ZNF385B: variants seen among roughly 807,000 people sequenced by gnomAD.
ZNF385B encodes the protein zinc finger protein 533.
A neutral mutation model predicts 39.2 loss-of-function variants in ZNF385B; 23 were observed. The observed-to-expected ratio is 0.59, with a 90% CI of 0.42 to 0.83. The LOEUF (loss-of-function observed/expected upper bound fraction) is 0.83. Ranked by LOEUF, ZNF385B falls within the 40% of genes least tolerant of loss-of-function variation. The pLI is 0.00. For missense variants in ZNF385B, 552 were observed against 598.9 expected (o/e 0.92, Z 0.82); for synonymous variants, 205 against 222.6 (o/e 0.92, Z 0.70).
At chr2:179,693,813 T>C (rs186736436) in intron 3 of ZNF385B, among the ~76,000 whole-genome samples, 230 of 152,302 alleles carry the variant, frequency 1.5e-3, no homozygotes, top group African/African-American at 5.3e-3. Flanking sequence ...GTCAAGCAAA[T>C]GTGAAATAAT....
intron 4 of ZNF385B, among the ~76,000 whole-genome samples, chr2:179,521,404 T>C (rs1466422558): frequency 6.9e-6 from 1 of 145,962 alleles, no homozygotes; most frequent in Non-Finnish European, 1.5e-5. Context: ...TTCGTCATAT[T>C]GGCCAGGCTG....
At chr2:179,743,083 T>C (rs980462909) in intron 3 of ZNF385B, among the ~76,000 whole-genome samples, 7 of 152,092 alleles carry the variant, frequency 4.6e-5, no homozygotes, top group Admixed American at 2.0e-4. Flanking sequence ...ATTCTAACAT[T>C]CTAAAACTTT....
At chr2:179,451,157 G>A (rs1466869975) in intron 6 of ZNF385B, among the ~76,000 whole-genome samples, 2 of 149,960 alleles carry the variant, frequency 1.3e-5, no homozygotes, top group South Asian at 2.1e-4. Context: ...GTTAAATGAC[G>A]AGTTAGTGGG....
chr2:179,565,824 C>T (rs956239655), intron 3 of ZNF385B, among the ~76,000 whole-genome samples: 2 of 152,220 alleles, frequency 1.3e-5, no homozygotes, highest in Admixed American at 1.3e-4. Flanking sequence ...TTGATTTCCT[C>T]CGAAGCTGCA....
In ZNF385B at chr2:179,637,032, T is replaced by A. The variant is rs541341234; in HGVS notation, c.299-92063A>T. On this transcript the variant is annotated intron_variant, in intron 3 of 9. Coordinates refer to ENST00000410066, the MANE Select transcript of ZNF385B (RefSeq NM_152520.6). ...CACTACAAGTAAAAACATAAAAAAC[T>A]CATAGCAAGTAATTTCTAGTTATTA... Among the ~76,000 whole-genome samples, 5 of 152,270 alleles carry A rather than the reference T, an allele frequency of 3.3e-5. No homozygotes were observed. The East Asian group carries it at 9.6e-4, about 29-fold the overall frequency.
chr2:179,481,076 C>T (rs963992131), intron 6 of ZNF385B: 1 of 152,076 alleles, frequency 6.6e-6, no homozygotes, highest in East Asian at 1.9e-4. Context: ...ATTTGTTTTC[C>T]TCTCTCCTGG....
At chr2:179,532,910 C>T (rs1213107829) in intron 4 of ZNF385B, among the ~76,000 whole-genome samples, 2 of 152,102 alleles carry the variant, frequency 1.3e-5, no homozygotes, top group African/African-American at 2.4e-5. Flanking sequence ...ATGCTCTCGG[C>T]AGAGGATATT....
chr2:179,493,609 G>GTA (rs1481958182), intron 5 of ZNF385B, among the ~76,000 whole-genome samples: 59 of 102,956 alleles, frequency 5.7e-4, no homozygotes, highest in East Asian at 1.8e-3. Context: ...ATACATATAT[G>GTA]TACGTACATA....
intron 1 of ZNF385B, among the ~76,000 whole-genome samples, chr2:179,839,316 G>C (rs1370463391): frequency 2.0e-5 from 3 of 152,098 alleles, no homozygotes; most frequent in African/African-American, 7.2e-5. Context: ...AGCAGTTGGA[G>C]TCTTCCCCAC....
chr2:179,705,295 C>T (rs916824681), intron 3 of ZNF385B, among the ~76,000 whole-genome samples: 1 of 152,208 alleles, frequency 6.6e-6, no homozygotes, highest in African/African-American at 2.4e-5. Flanking sequence ...TACTAGTTCT[C>T]ACTCTGTCTG....
chr2:179,794,833 A>G (rs1331721795), intron 1 of ZNF385B, among the ~76,000 whole-genome samples: 1 of 152,130 alleles, frequency 6.6e-6, no homozygotes, highest in East Asian at 1.9e-4. Context: ...CTGATTAGGT[A>G]TTAAAGAGAA....
At chr2:179,561,669 A>G (rs1238960829) in intron 3 of ZNF385B, among the ~76,000 whole-genome samples, 1 of 151,658 alleles carries the variant, frequency 6.6e-6, no homozygotes, top group African/African-American at 2.4e-5. Context: ...AAGGTGGGGG[A>G]AAATAAAGTG....
At chr2:179,535,908 G>A (rs2059535871) in intron 4 of ZNF385B, among the ~76,000 whole-genome samples, 10 of 152,198 alleles carry the variant, frequency 6.6e-5, no homozygotes. Context: ...AGGGATGTGA[G>A]ACTTAATTCT....
chr2:179,775,848 T>C (rs1269046368), intron 1 of ZNF385B, among the ~76,000 whole-genome samples: 1 of 152,258 alleles, frequency 6.6e-6, no homozygotes, highest in Non-Finnish European at 1.5e-5. Flanking sequence ...AAAGGTTGTC[T>C]TCACTGTGAC....
chr2:179,687,391 C>T (rs1213542817), intron 3 of ZNF385B, among the ~76,000 whole-genome samples: 1 of 152,078 alleles, frequency 6.6e-6, no homozygotes, highest in Non-Finnish European at 1.5e-5. Context: ...TTCTGATTCT[C>T]TTCATTCACA....
At chr2:179,485,574 T>C (rs2105611243) in intron 5 of ZNF385B, among the ~76,000 whole-genome samples, 1 of 152,298 alleles carries the variant, frequency 6.6e-6, no homozygotes, top group African/African-American at 2.4e-5. Context: ...TATCCTAAGC[T>C]TATAAATGAT....
intron 3 of ZNF385B, among the ~76,000 whole-genome samples, chr2:179,632,910 G>A (rs1691373483): frequency 6.6e-6 from 1 of 152,156 alleles, no homozygotes; most frequent in South Asian, 2.1e-4. Flanking sequence ...TACCATCAGA[G>A]AATACTATAA....
At chr2:179,601,039 G>A (rs1180942588) in intron 3 of ZNF385B, among the ~76,000 whole-genome samples, 1 of 152,106 alleles carries the variant, frequency 6.6e-6, no homozygotes, top group Non-Finnish European at 1.5e-5. Context: ...AAACACATAG[G>A]CCATTTCATT....
At chr2:179,491,942 C>A (rs1232747345) in intron 5 of ZNF385B, among the ~76,000 whole-genome samples, 1 of 152,122 alleles carries the variant, frequency 6.6e-6, no homozygotes, top group African/African-American at 2.4e-5. Flanking sequence ...CTCGAGTGAT[C>A]CTACTGCCTT....
Sources: gnomAD v4.1 joint callset for allele counts (sites outside exome capture counted in the v4.1 genomes callset) on GRCh38, gnomAD v4.1.1 for gene constraint, MANE v1.5 for transcripts, NCBI Gene and HGNC (gene_info 2026-07-23, HGNC 2026-07-21) for gene names.